The following CIITA variants were observed in gnomAD, a reference collection of about 807,000 sequenced individuals.
The protein encoded by CIITA is class II major histocompatibility complex transactivator, also known as MHC class II transactivator.
Under a neutral mutation model 115.1 loss-of-function variants are expected in CIITA, and 72 were observed. That is an observed-to-expected ratio of 0.63 (90% confidence interval 0.52 to 0.76). CIITA has a LOEUF of 0.76. Ranked by LOEUF, CIITA falls within the 30% of genes least tolerant of loss-of-function variation. The pLI is 0.00. For missense variants in CIITA, 1,617 were observed against 1,463.8 expected (o/e 1.10, Z -1.71); for synonymous variants, 763 against 635.6 (o/e 1.20, Z -3.02).
rs928296071 is a variant in CIITA, at chr16:10,901,655, G to A, written c.481+97G>A. The A allele has an allele frequency of 3.1e-6, 4 of 1,282,602 alleles. No homozygotes were observed. The highest frequency in any genetic ancestry group is 2.2e-6 in the Non-Finnish European group (2 of 902,754). 79.5% of individuals were successfully genotyped at this position (1,282,602 alleles called of 1,614,324 possible). On this transcript the variant is annotated intron_variant, in intron 6 of 19. Transcript: ENST00000324288. The surrounding 1 kb of genome is among the most constrained non-coding windows in gnomAD (Gnocchi z 6.8). ...CTGGCCCAAGTCTGATGGGGATGGT[G>A]CATGGTGCAGCCCCTGCCCTTCTTT... is the stretch of plus-strand genomic sequence containing the variant.
chr16:10,902,019 A>G lies in CIITA; in HGVS notation c.482-19A>G, dbSNP rs752648170. 2 of 1,613,746 alleles carry G rather than the reference A, an allele frequency of 1.2e-6. No individual in the cohort carries two copies. The highest frequency in any genetic ancestry group is 1.1e-5 in the South Asian group (1 of 91,074). ...CCCCTCCAAGCACCCAGTCTCTAACACAGCCCACTTCCTCACAGCTGAGCC... is the reference window on the plus strand; with the variant it reads ...CCCCTCCAAGCACCCAGTCTCTAACGCAGCCCACTTCCTCACAGCTGAGCC... On this transcript the variant is annotated intron_variant, in intron 6 of 19. Transcript: ENST00000324288.
rs1258594823 is a variant in CIITA at position 10,915,423 on chromosome 16, G to T, written c.2889-147G>T. On this transcript the variant is annotated intron_variant, in intron 13 of 19. Transcript: ENST00000324288. ...GATTGGGGTCCTACGTGGAAGGGTT[G>T]CAGGGACCTAAGAGGCTGGGGTGGA... 14 of 707,904 alleles carry T rather than the reference G, an allele frequency of 2.0e-5. No homozygotes were observed. The East Asian group carries it at 2.7e-4, about 13-fold the overall frequency. The allele number at this position is 707,904 out of a possible 1,614,324, so 43.9% of individuals were successfully genotyped here.
intron 1 of CIITA, among the ~76,000 whole-genome samples, chr16:10,867,999 C>G (rs957788042): frequency 6.6e-6 from 1 of 152,046 alleles, no homozygotes; most frequent in African/African-American, 2.4e-5. Flanking sequence ...TGAGCTCAAG[C>G]GATCCTCCCA....
At position 10,926,659 on chromosome 16, in the gene CIITA, G is replaced by C. The variant is rs1262441209; in HGVS notation, c.*2804G>C. The C allele has an allele frequency of 1.3e-5, 2 of 152,172 alleles. No homozygotes were observed. The highest frequency in any genetic ancestry group is 2.9e-5 in the Non-Finnish European group (2 of 68,064). The allele number at this position is 152,172 out of a possible 1,614,324, so 9.4% of individuals were successfully genotyped here. ...GGGTTCAAGCAATTCTCCCACCTCA[G>C]CCTCCCAAGTAGCTGGGATTACAGG... On this transcript the variant is annotated 3_prime_UTR_variant, in exon 20 of 20. Transcript: ENST00000324288.
intron 9 of CIITA, among the ~76,000 whole-genome samples, 167 bp downstream of exon 9, chr16:10,904,062 T>A (rs1214711453): frequency 6.6e-6 from 1 of 152,126 alleles, no homozygotes; most frequent in African/African-American, 2.4e-5. Context: ...GGCATGGTTG[T>A]GGGGGAATGG....
chr16:10,938,709 G>A (rs1448409589), downstream of CIITA: 1 of 152,220 alleles, frequency 6.6e-6, no homozygotes. This position sits in a 1 kb window ranked among gnomAD's most constrained non-coding sequence, Gnocchi z 4.9. Flanking sequence ...TGAGGGTGGG[G>A]AGGAGGGAAG....
At chr16:10,872,141 G>A (rs1393169951) in intron 1 of CIITA, among the ~76,000 whole-genome samples, 5 of 151,546 alleles carry the variant, frequency 3.3e-5, no homozygotes, top group Non-Finnish European at 7.4e-5. Context: ...TTGGGTGGGG[G>A]GGACACAGTC....
rs2038793567 is a variant in CIITA, at chr16:10,901,863, A to C, written c.482-175A>C. The C allele has an allele frequency of 1.1e-6, 1 of 920,218 alleles. No individual in the cohort carries two copies. The highest frequency in any genetic ancestry group is 1.6e-5 in the African/African-American group (1 of 61,648). The allele number at this position is 920,218 out of a possible 1,614,324, so 57.0% of individuals were successfully genotyped here. A position where few individuals can be genotyped will look rare whatever the true frequency, so the allele number is the denominator to read the frequency against. On this transcript the variant is annotated intron_variant, in intron 6 of 19. Transcript: ENST00000324288. This position sits in a 1 kb window ranked among gnomAD's most constrained non-coding sequence, Gnocchi z 6.8. ...CTCAGAGCCAAGTCACAAGGAGAGG[A>C]CTGGGGGACTGCCTGGCACAGAGCA...
chr16:10,902,356 C>A (rs2038839334), intron 7 of CIITA, among the ~76,000 whole-genome samples, 172 bp downstream of exon 7: 1 of 152,180 alleles, frequency 6.6e-6, no homozygotes, highest in Non-Finnish European at 1.5e-5. Context: ...TCAGCTCAAT[C>A]CCTGGCAGAG....
At chr16:10,917,760 A>G (rs997811180) in intron 15 of CIITA, among the ~76,000 whole-genome samples, 3 of 152,192 alleles carry the variant, frequency 2.0e-5, no homozygotes, top group Non-Finnish European at 2.9e-5. Context: ...GATTACCGGC[A>G]TGAGCCACCA....
In CIITA at chr16:10,941,519, C is replaced by CT; in HGVS notation, n.645_646insT. 7.2e-7 allele frequency: 1 copy of CT among 1,396,038 alleles called. No homozygotes were observed. Among genetic ancestry groups the CT allele is most frequent in the Admixed American group, 3.1e-5 (1 of 32,228 alleles). 86.5% of individuals were successfully genotyped at this position (1,396,038 alleles called of 1,614,324 possible). A position where few individuals can be genotyped will look rare whatever the true frequency, so the allele number is the denominator to read the frequency against. On this transcript the variant is annotated non_coding_transcript_exon_variant, in exon 2 of 2. Coordinates refer to the CIITA transcript ENST00000573379. The surrounding 1 kb of genome is among the most constrained non-coding windows in gnomAD (Gnocchi z 6.4). ...TCCGGCCTGGGAATTCCTCCCTCTC[C>CT]CTTGCTAGCGCCCCAACCCGCCCTC...
chr16:10,922,367 G>A, intron 17 of CIITA, 40 bp from the exon 18 acceptor site: 1 of 1,613,074 alleles, frequency 6.2e-7, no homozygotes, highest in Non-Finnish European at 8.5e-7. Context: ...GAGCTGGGGA[G>A]TCCCAAGGGC....
Position 10,941,549 on chromosome 16 carries a change from T to A in CIITA, n.675T>A, listed in dbSNP as rs2041102413. The stretch of plus-strand genomic sequence containing the variant: ...CTAGCGCCCCAACCCGCCCTCATCC[T>A]GTTCAGAGAGGGCACTTACAGGCCT... On this transcript the variant is annotated non_coding_transcript_exon_variant, in exon 2 of 2. Coordinates refer to the CIITA transcript ENST00000573379. The surrounding 1 kb of genome is among the most constrained non-coding windows in gnomAD (Gnocchi z 6.4). The A allele has an allele frequency of 1.4e-6, 2 of 1,436,098 alleles. No individual in the cohort carries two copies. The highest frequency in any genetic ancestry group is 5.1e-5 in the East Asian group (2 of 38,862). 89.0% of individuals were successfully genotyped at this position (1,436,098 alleles called of 1,614,324 possible). A position where few individuals can be genotyped will look rare whatever the true frequency, so the allele number is the denominator to read the frequency against.
intron 1 of CIITA, among the ~76,000 whole-genome samples, chr16:10,882,768 A>G (rs369868058): frequency 9.9e-5 from 15 of 152,050 alleles, no homozygotes; most frequent in African/African-American, 3.6e-4. Flanking sequence ...GTAGTGGTGC[A>G]TGCCTGTAAT....
Position 10,926,378 on chromosome 16 carries a change from C to T in CIITA, c.*2523C>T, listed in dbSNP as rs1139565. 50,561 of 152,108 alleles carry T rather than the reference C, an allele frequency of 0.33. 9,956 individuals carry two copies. The highest frequency in any genetic ancestry group is 0.43 in the Non-Finnish European group (29,468 of 67,970). 9.4% of individuals were successfully genotyped at this position (152,108 alleles called of 1,614,324 possible). ...AGAGGCCATGGGCCTCCTGTGTGTG[C>T]GCCTACAGGAGTGAGCACTAAGGTG... is the stretch of plus-strand genomic sequence containing the variant. On this transcript the variant is annotated 3_prime_UTR_variant, in exon 20 of 20. Transcript: ENST00000324288.
chr16:10,906,398 G>A, intron 10 of CIITA, 101 bp from the exon 11 acceptor site: 3 of 1,343,038 alleles, frequency 2.2e-6, no homozygotes, highest in Non-Finnish European at 3.1e-6. Flanking sequence ...AACTGTGTGG[G>A]GAACAGATGT....
At position 10,908,078 on chromosome 16, in the gene CIITA, C is replaced by T; in HGVS notation, c.2586C>T (p.Asp862=). The T allele has an allele frequency of 1.9e-6, 3 of 1,610,858 alleles. No individual in the cohort carries two copies. Among genetic ancestry groups the T allele is most frequent in the Non-Finnish European group, 2.5e-6 (3 of 1,178,584 alleles). The part of the protein sequence containing the change: ...LEAAGQDFSL[D]LRSTGICPSG... ...CGGCGGGCCAAGACTTCTCCCTGGA[C>T]CTCCGCAGCACTGGCATTTGCCCCT... Residue 862 remains aspartate (D), a synonymous_variant, in exon 11 of 20, where the codon GAC becomes GAT. Transcript: ENST00000324288.
rs929627587 is a variant in CIITA, at chr16:10,928,005, G to A, written c.*4150G>A. 6.6e-6 allele frequency: 1 copy of A among 152,158 alleles called. No individual in the cohort carries two copies. Among genetic ancestry groups the A allele is most frequent in the Non-Finnish European group, 1.5e-5 (1 of 68,070 alleles). 9.4% of individuals were successfully genotyped at this position (152,158 alleles called of 1,614,324 possible). ...CGCAGGCCTCTCTCTGCATACAAAT[G>A]TCTCCCTCCTGACGCTCACCTTTTT... On this transcript the variant is annotated 3_prime_UTR_variant, in exon 20 of 20. Transcript: ENST00000324288.
chr16:10,914,747 T>C (rs1162208748), intron 13 of CIITA, among the ~76,000 whole-genome samples: 1 of 152,186 alleles, frequency 6.6e-6, no homozygotes, highest in East Asian at 1.9e-4. Context: ...TAAGAGCCCA[T>C]AGCTCAGAGT....
Sources: gnomAD v4.1 joint callset for allele counts (sites outside exome capture counted in the v4.1 genomes callset) on GRCh38, gnomAD v4.1.1 for gene constraint, Gnocchi (gnomAD v3.1) non-coding constraint, MANE v1.5 for transcripts, NCBI Gene and HGNC (gene_info 2026-07-23, HGNC 2026-07-21) for gene names.